Variants in CYTH3 observed in about 807,000 individuals in gnomAD.
The protein encoded by CYTH3 is cytohesin 3.
In CYTH3, 23 loss-of-function variants were observed where a neutral mutation model predicts 55.1. The ratio of observed to expected loss-of-function variants is 0.42; its 90% CI spans 0.30 to 0.59. The LOEUF is 0.59. Among genes scored for constraint, CYTH3 ranks in the 20% least tolerant of loss-of-function variants. The pLI is 0.20. For synonymous variants in CYTH3, 249 were observed against 194.9 expected, an observed-to-expected ratio of 1.28 and a Z score of -2.31; for missense variants, 413 against 524.8, an observed-to-expected ratio of 0.79 and a Z score of 2.08.
chr7:6,235,853 G>A (rs913063933), intron 1 of CYTH3, among the ~76,000 whole-genome samples: 16 of 152,130 alleles, frequency 1.1e-4, no homozygotes, highest in Admixed American at 1.3e-4. Flanking sequence ...AAAGTCTCCC[G>A]CTATAAAAAC....
chr7:6,231,517 C>T lies in CYTH3; in HGVS notation c.34+40957G>A, dbSNP rs141834702. ...AGTGCTCATCTCCAGGACTGCTTTACGTGCCAGGAACAGATCCACCTCTCA... is the reference window on the plus strand; with the variant it reads ...AGTGCTCATCTCCAGGACTGCTTTATGTGCCAGGAACAGATCCACCTCTCA... On this transcript the variant is annotated intron_variant, in intron 1 of 12. Coordinates refer to ENST00000350796, the MANE Select transcript of CYTH3 (RefSeq NM_004227.4). Among the ~76,000 whole-genome samples, 22 of 152,290 alleles carry T rather than the reference C, an allele frequency of 1.4e-4. No homozygotes were observed. The East Asian group carries it at 3.5e-3, about 24-fold the overall frequency.
chr7:6,212,738 G>GCCTT (rs1488009260), intron 1 of CYTH3: 1 of 152,192 alleles, frequency 6.6e-6, no homozygotes, highest in East Asian at 1.9e-4. Flanking sequence ...CTTCGGACCA[G>GCCTT]CCTTCCTTCC....
At chr7:6,242,144 T>C (rs1214943074) in intron 1 of CYTH3, among the ~76,000 whole-genome samples, 2 of 151,972 alleles carry the variant, frequency 1.3e-5, no homozygotes, top group Non-Finnish European at 2.9e-5. Context: ...TGGTACAATC[T>C]CGGCTCACTG....
At chr7:6,189,192 C>A (rs765401299) in intron 2 of CYTH3, among the ~76,000 whole-genome samples, 1 of 152,220 alleles carries the variant, frequency 6.6e-6, no homozygotes, top group Non-Finnish European at 1.5e-5. Context: ...TCTCCCACGC[C>A]GAGACGGTGG....
intron 1 of CYTH3, among the ~76,000 whole-genome samples, chr7:6,218,301 G>A (rs1310378076): frequency 1.3e-5 from 2 of 152,168 alleles, no homozygotes; most frequent in Non-Finnish European, 2.9e-5. Context: ...AGAAGGCAAC[G>A]TGATGACTGA....
intron 1 of CYTH3, among the ~76,000 whole-genome samples, chr7:6,234,941 C>T (rs563748537): frequency 2.0e-5 from 3 of 152,190 alleles, no homozygotes; most frequent in Non-Finnish European, 4.4e-5. Flanking sequence ...TCTTCCCCAG[C>T]TACTCAGCAA....
chr7:6,209,161 G>A (rs535043328), intron 1 of CYTH3, among the ~76,000 whole-genome samples: 13 of 152,330 alleles, frequency 8.5e-5, no homozygotes, highest in Admixed American at 6.5e-5. Context: ...CTAGCTCTGC[G>A]CCTTTAGGCA....
intron 1 of CYTH3, among the ~76,000 whole-genome samples, chr7:6,245,499 G>C (rs1471426105): frequency 2.0e-5 from 3 of 152,158 alleles, no homozygotes; most frequent in Non-Finnish European, 4.4e-5. Context: ...GCACCCTAGA[G>C]AGAATGTGTC....
intron 1 of CYTH3, among the ~76,000 whole-genome samples, chr7:6,271,026 AC>A (rs907772249): frequency 6.6e-6 from 1 of 152,138 alleles, no homozygotes; most frequent in African/African-American, 2.4e-5. Context: ...ACAAGGGAAA[AC>A]AGCTATGCCC....
Position 6,171,061 on chromosome 7 carries a change from A to G in CYTH3, c.563-83T>C. On this transcript the variant is annotated intron_variant, in intron 7 of 12. Transcript: ENST00000350796. This position sits in a 1 kb window ranked among gnomAD's most constrained non-coding sequence, Gnocchi z 6.7. The stretch of plus-strand genomic sequence containing the variant: ...CGCGTGCTGGGGGCCCGCCTGCAAG[A>G]GGTGCCCGGCCCACAGGTCGTCCTC... 6.3e-7 allele frequency: 1 copy of G among 1,594,708 alleles called. No homozygotes were observed. The highest frequency in any genetic ancestry group is 8.6e-7 in the Non-Finnish European group (1 of 1,166,700).
chr7:6,259,787 ATATATATATATAT>A (rs1780269741), intron 1 of CYTH3, among the ~76,000 whole-genome samples: 1 of 15,112 alleles, frequency 6.6e-5, no homozygotes, highest in Admixed American at 1.3e-3. Flanking sequence ...TATATATAAT[ATATATATATATAT>A]ATATATATAT....
At chr7:6,254,467 G>A (rs1045278436) in intron 1 of CYTH3, among the ~76,000 whole-genome samples, 1 of 152,220 alleles carries the variant, frequency 6.6e-6, no homozygotes, top group Non-Finnish European at 1.5e-5. Flanking sequence ...GTAACTTTTT[G>A]AGACGGAGTC....
chr7:6,223,405 G>C lies in CYTH3; in HGVS notation c.35-32874C>G, dbSNP rs182169182. Among the ~76,000 whole-genome samples, 879 of 152,312 alleles carry C rather than the reference G, an allele frequency of 5.8e-3. 7 individuals carry two copies. Among genetic ancestry groups the C allele is most frequent in the African/African-American group, 0.019 (808 of 41,562 alleles). Reference sequence around the variant, plus strand: ...TGTCGAAAAGAAAAGGGGGAAATGTGGGGAAAAGAAAGAGAGATCAGATTG... The same window carrying C: ...TGTCGAAAAGAAAAGGGGGAAATGTCGGGAAAAGAAAGAGAGATCAGATTG... On this transcript the variant is annotated intron_variant, in intron 1 of 12. Transcript: ENST00000350796.
chr7:6,186,255 A>AG (rs1241434134), intron 4 of CYTH3, among the ~76,000 whole-genome samples: 1 of 151,212 alleles, frequency 6.6e-6, no homozygotes, highest in African/African-American at 2.4e-5. Flanking sequence ...AAAAAAAAAA[A>AG]AAAAAAAAAA....
At chr7:6,251,918 T>G (rs1779981719) in intron 1 of CYTH3, among the ~76,000 whole-genome samples, 1 of 152,054 alleles carries the variant, frequency 6.6e-6, no homozygotes, top group Non-Finnish European at 1.5e-5. Context: ...CCCCTTAATG[T>G]GAAAAAAGAA....
chr7:6,165,151 T>C, intron 12 of CYTH3, 122 bp downstream of exon 12: 1 of 1,554,826 alleles, frequency 6.4e-7, no homozygotes. Context: ...CCCGGCCCTC[T>C]GGGGTTTCTG....
At chr7:6,236,295 C>T (rs1057481349) in intron 1 of CYTH3, among the ~76,000 whole-genome samples, 3 of 151,294 alleles carry the variant, frequency 2.0e-5, no homozygotes, top group African/African-American at 7.3e-5. Context: ...CTTTGACCTT[C>T]TGGGCTCAAA....
intron 1 of CYTH3, among the ~76,000 whole-genome samples, chr7:6,196,203 T>C (rs144112541): frequency 6.6e-6 from 1 of 152,174 alleles, no homozygotes; most frequent in Non-Finnish European, 1.5e-5. Flanking sequence ...TTTACTGTGA[T>C]CGGCTAAAGA....
chr7:6,226,563 CT>C, intron 1 of CYTH3, among the ~76,000 whole-genome samples: 1 of 152,190 alleles, frequency 6.6e-6, no homozygotes, highest in Non-Finnish European at 1.5e-5. Flanking sequence ...AGTGAGGATT[CT>C]TCCAGCCACT....
Sources: gnomAD v4.1 joint callset for allele counts (sites outside exome capture counted in the v4.1 genomes callset) on GRCh38, gnomAD v4.1.1 for gene constraint, Gnocchi (gnomAD v3.1) non-coding constraint, MANE v1.5 for transcripts, NCBI Gene and HGNC (gene_info 2026-07-23, HGNC 2026-07-21) for gene names.